OR7E24: variants seen among roughly 807,000 people sequenced by gnomAD.
The protein encoded by OR7E24 is olfactory receptor 7E24.
For missense variants in OR7E24, 385 were observed against 410.3 expected, an observed-to-expected ratio of 0.94 and a Z score of 0.53; for synonymous variants, 130 against 157.5, an observed-to-expected ratio of 0.83 and a Z score of 1.31.
chr19:9,235,910 T>C, the OR7E24 span: 2 of 1,608,026 alleles, frequency 1.2e-6, no homozygotes, highest in Non-Finnish European at 1.7e-6. Flanking sequence ...GGAACAGGAC[T>C]TGGGGTCTAT....
chr19:9,243,803 C>T (rs2066122375), upstream of OR7E24, among the ~76,000 whole-genome samples: 1 of 152,192 alleles, frequency 6.6e-6, no homozygotes, highest in Non-Finnish European at 1.5e-5. Context: ...GAGAAGTTGC[C>T]TCAAGCAGTT....
the OR7E24 span, among the ~76,000 whole-genome samples, chr19:9,221,653 C>CT: frequency 1.3e-5 from 2 of 152,110 alleles, no homozygotes; most frequent in South Asian, 4.2e-4. Context: ...GCCAGGCTGT[C>CT]TTTTGCCCAT....
rs761957946 is a variant in OR7E24, at chr19:9,251,690, T to C, written c.647T>C (p.Val216Ala). Residue 216 changes from valine to alanine, a missense_variant, in exon 1 of 1, where the codon GTC becomes GCC. Coordinates refer to ENST00000456448, the MANE Select transcript of OR7E24 (RefSeq NM_001079935.2). ...RCSDTFINEMVIYFMGAIFGC... is the reference protein window; with the variant it reads ...RCSDTFINEMAIYFMGAIFGC... ...TCCGACACCTTCATCAATGAAATGG[T>C]CATATATTTCATGGGTGCCATATTT... The C allele has an allele frequency of 6.2e-7, 1 of 1,613,658 alleles. No individual in the cohort carries two copies. Among genetic ancestry groups the C allele is most frequent in the Non-Finnish European group, 8.5e-7 (1 of 1,179,708 alleles).
the OR7E24 span, among the ~76,000 whole-genome samples, chr19:9,216,476 T>G: frequency 1.3e-5 from 2 of 152,358 alleles, no homozygotes; most frequent in African/African-American, 4.8e-5. Context: ...GTAGGAGTAG[T>G]AAATACTCCC....
chr19:9,214,574 C>G, the OR7E24 span: 6 of 1,614,102 alleles, frequency 3.7e-6, no homozygotes, highest in Middle Eastern at 3.3e-4. Context: ...TGTCTTTGCT[C>G]CGTGCCTGGA....
chr19:9,215,920 A>G, the OR7E24 span, among the ~76,000 whole-genome samples: 1 of 152,168 alleles, frequency 6.6e-6, no homozygotes, highest in Non-Finnish European at 1.5e-5. Context: ...TTTACAACAG[A>G]AAGATGTTTA....
chr19:9,247,814 G>T (rs1273720655), upstream of OR7E24, among the ~76,000 whole-genome samples: 6 of 152,076 alleles, frequency 3.9e-5, no homozygotes, highest in African/African-American at 1.2e-4. Flanking sequence ...CATCCTATTG[G>T]GTGGTATCTC....
chr19:9,232,519 C>A, the OR7E24 span, among the ~76,000 whole-genome samples: 1 of 116,898 alleles, frequency 8.6e-6, no homozygotes, highest in Non-Finnish European at 1.6e-5. Context: ...GCCTGGGCAG[C>A]AAGAGCGAAA....
At chr19:9,233,765 G>C in the OR7E24 span, among the ~76,000 whole-genome samples, 1 of 152,178 alleles carries the variant, frequency 6.6e-6, no homozygotes, top group East Asian at 1.9e-4. Flanking sequence ...TGATATGGCC[G>C]TTGTATGCCA....
the OR7E24 span, among the ~76,000 whole-genome samples, chr19:9,229,150 A>G: frequency 6.6e-6 from 1 of 152,214 alleles, no homozygotes; most frequent in African/African-American, 2.4e-5. Flanking sequence ...CCTTGTGGAC[A>G]CCAAGGGATC....
chr19:9,214,428 T>C, the OR7E24 span: 1 of 1,613,858 alleles, frequency 6.2e-7, no homozygotes, highest in Non-Finnish European at 8.5e-7. Flanking sequence ...GAGGCAGGGG[T>C]TCATGATGAC....
At chr19:9,235,363 A>T in the OR7E24 span, 1 of 1,453,934 alleles carries the variant, frequency 6.9e-7, no homozygotes, top group South Asian at 1.1e-5. Flanking sequence ...CACCTGTTTC[A>T]TCTGCACCAC....
chr19:9,251,501 T>C lies in OR7E24; in HGVS notation c.458T>C (p.Ile153Thr). ...AICHPLHYRI[I>T]MNPRLCGFLI... The stretch of plus-strand genomic sequence containing the variant: ...TGTCACCCCCTGCACTACCGAATCA[T>C]CATGAACCCACGCCTCTGTGGCTTC... Residue 153 changes from isoleucine (I) to threonine (T), a missense_variant, in exon 1 of 1, where the codon ATC becomes ACC. By Grantham distance (89) the Ile-to-Thr change is moderately conservative (BLOSUM62 -1). Coordinates refer to ENST00000456448, the MANE Select transcript of OR7E24 (RefSeq NM_001079935.2). 1 of 1,614,058 alleles carries C rather than the reference T, an allele frequency of 6.2e-7. No individual in the cohort carries two copies. The highest frequency in any genetic ancestry group is 2.2e-5 in the East Asian group (1 of 44,888).
the OR7E24 span, among the ~76,000 whole-genome samples, chr19:9,227,418 C>T: frequency 2.6e-5 from 4 of 151,930 alleles, no homozygotes; most frequent in Non-Finnish European, 4.4e-5. Flanking sequence ...TTAGTAGAGA[C>T]GGGGTTTCGC....
upstream of OR7E24, among the ~76,000 whole-genome samples, chr19:9,243,826 T>C (rs530208216): frequency 2.0e-5 from 3 of 152,356 alleles, no homozygotes; most frequent in South Asian, 6.2e-4. Flanking sequence ...AAGATACAGC[T>C]TCCTGATGCA....
chr19:9,215,998 C>A, the OR7E24 span, among the ~76,000 whole-genome samples: 1 of 152,102 alleles, frequency 6.6e-6, no homozygotes, highest in East Asian at 1.9e-4. Flanking sequence ...AGGAGCAAGT[C>A]ACATCTTACA....
the OR7E24 span, chr19:9,207,454 G>A: frequency 1.3e-5 from 2 of 152,174 alleles, no homozygotes; most frequent in African/African-American, 4.8e-5. Context: ...TCATACCTAT[G>A]AGCTAAAACA....
chr19:9,219,181 A>G, the OR7E24 span: 4 of 152,214 alleles, frequency 2.6e-5, no homozygotes, highest in African/African-American at 9.7e-5. Flanking sequence ...CAATCACATT[A>G]GGAACACATA....
the OR7E24 span, among the ~76,000 whole-genome samples, chr19:9,228,350 T>C: frequency 6.6e-5 from 10 of 152,214 alleles, no homozygotes; most frequent in Non-Finnish European, 1.2e-4. Flanking sequence ...AATACCTACA[T>C]TAATTATTTT....
Sources: allele counts gnomAD v4.1 joint callset (sites outside exome capture counted in the v4.1 genomes callset), GRCh38; gene constraint gnomAD v4.1.1; transcripts MANE v1.5; gene names NCBI Gene and HGNC (gene_info 2026-07-23, HGNC 2026-07-21).